The following HSD17B11 variants were observed in gnomAD, a reference collection of about 807,000 sequenced individuals.
HSD17B11 encodes the protein estradiol 17-beta-dehydrogenase 11.
A neutral mutation model predicts 27.8 loss-of-function variants in HSD17B11; 22 were observed. The observed-to-expected ratio is 0.79, with a 90% CI of 0.56 to 1.13. HSD17B11 has a LOEUF of 1.13. Ranked by LOEUF, HSD17B11 falls within the 50% of genes most tolerant of loss-of-function variation. The probability of loss-of-function intolerance (pLI) is 0.00; values close to 1 mark genes in which losing one functional copy is unlikely to be tolerated. For missense variants in HSD17B11, 314 were observed against 351.1 expected (o/e 0.89, Z 0.84); for synonymous variants, 117 against 132.8 (o/e 0.88, Z 0.82).
intron 4 of HSD17B11, among the ~76,000 whole-genome samples, chr4:87,370,995 G>A (rs10034537): frequency 0.14 from 18,435 of 131,590 alleles, 2,079 homozygotes; most frequent in East Asian, 0.3. Context: ...CTCGTGATCC[G>A]CCCGCCTCGG....
intron 1 of HSD17B11, among the ~76,000 whole-genome samples, chr4:87,389,941 G>A (rs1227584112): frequency 6.6e-6 from 1 of 152,024 alleles, no homozygotes; most frequent in Non-Finnish European, 1.5e-5. Flanking sequence ...CAGTATCACA[G>A]GTCAAACGTG....
chr4:87,371,337 G>A (rs1234664031), intron 4 of HSD17B11, among the ~76,000 whole-genome samples: 1 of 152,082 alleles, frequency 6.6e-6, no homozygotes, highest in Admixed American at 6.6e-5. Context: ...CACAAATATA[G>A]TGTGATTCCA....
At position 87,391,122 on chromosome 4, in the gene HSD17B11, T is replaced by C. The variant is rs1375537308; in HGVS notation, c.-52A>G. On this transcript the variant is annotated 5_prime_UTR_variant, in exon 1 of 7. Coordinates refer to ENST00000358290, the MANE Select transcript of HSD17B11 (RefSeq NM_016245.5). ...GTGTTTTTTTTTTTTTTTACCACTC[T>C]AAACTGCTTTTAGAGGGTAGCTCGA... 9.5e-6 allele frequency: 13 copies of C among 1,368,074 alleles called. No individual in the cohort carries two copies. The highest frequency in any genetic ancestry group is 2.2e-5 in the Admixed American group (1 of 45,922). 84.7% of individuals were successfully genotyped at this position (1,368,074 alleles called of 1,614,324 possible).
intron 4 of HSD17B11, among the ~76,000 whole-genome samples, chr4:87,366,565 C>T (rs1459126830): frequency 6.6e-6 from 1 of 152,086 alleles, no homozygotes; most frequent in East Asian, 1.9e-4. Context: ...TTATAAGAAA[C>T]TCCTTTATTT....
intron 5 of HSD17B11, among the ~76,000 whole-genome samples, chr4:87,353,743 G>A (rs1362541790): frequency 6.6e-6 from 1 of 152,128 alleles, no homozygotes; most frequent in Admixed American, 6.6e-5. Flanking sequence ...GGGGGGCAAG[G>A]TTAAAAAATT....
chr4:87,372,682 CA>C, intron 4 of HSD17B11, 26 bp downstream of exon 4: 5 of 1,358,730 alleles, frequency 3.7e-6, no homozygotes, highest in Non-Finnish European at 5.3e-6. Context: ...GCATAAGAAC[CA>C]ATGAAGGAAA....
chr4:87,372,242 C>CAAAAAAAAAAAAA (rs10618602), intron 4 of HSD17B11, among the ~76,000 whole-genome samples: 1 of 99,454 alleles, frequency 1.0e-5, no homozygotes, highest in Non-Finnish European at 2.1e-5. Flanking sequence ...GACTCCGTCT[C>CAAAAAAAAAAAAA]AAAAAAAAAA....
At chr4:87,338,327 G>A (rs949029730) in intron 6 of HSD17B11, among the ~76,000 whole-genome samples, 1 of 152,048 alleles carries the variant, frequency 6.6e-6, no homozygotes, top group African/African-American at 2.4e-5. Flanking sequence ...ACATTCCAGT[G>A]GGTCTGGGAG....
At chr4:87,356,981 G>A (rs536007764) in intron 5 of HSD17B11, among the ~76,000 whole-genome samples, 2 of 152,236 alleles carry the variant, frequency 1.3e-5, no homozygotes, top group South Asian at 4.1e-4. Flanking sequence ...TAGTTCCCAA[G>A]CACACCTGGT....
At chr4:87,381,490 G>A (rs1460401768) in intron 2 of HSD17B11, among the ~76,000 whole-genome samples, 1 of 152,120 alleles carries the variant, frequency 6.6e-6, no homozygotes, top group Non-Finnish European at 1.5e-5. Flanking sequence ...TGGGAGCGTG[G>A]CTCATGCCTA....
At chr4:87,389,618 GCAGA>G (rs1720405774) in intron 1 of HSD17B11, among the ~76,000 whole-genome samples, 1 of 152,186 alleles carries the variant, frequency 6.6e-6, no homozygotes, top group African/African-American at 2.4e-5. Context: ...TGTCTAAGCA[GCAGA>G]CAGTCATTAT....
Position 87,391,121 on chromosome 4 carries a change from C to G in HSD17B11, c.-51G>C. ...TGTGTTTTTTTTTTTTTTTACCACT[C>G]TAAACTGCTTTTAGAGGGTAGCTCG... On this transcript the variant is annotated 5_prime_UTR_variant, in exon 1 of 7. Coordinates refer to ENST00000358290, the MANE Select transcript of HSD17B11 (RefSeq NM_016245.5). 1 of 1,374,526 alleles carries G rather than the reference C, an allele frequency of 7.3e-7. No homozygotes were observed. Among genetic ancestry groups the G allele is most frequent in the Non-Finnish European group, 1.0e-6 (1 of 996,996 alleles). 85.1% of individuals were successfully genotyped at this position (1,374,526 alleles called of 1,614,324 possible). A position where few individuals can be genotyped will look rare whatever the true frequency, so the allele number is the denominator to read the frequency against.
chr4:87,362,536 TATAATAAA>T (rs1735537246), intron 4 of HSD17B11, among the ~76,000 whole-genome samples: 1 of 151,974 alleles, frequency 6.6e-6, no homozygotes, highest in Admixed American at 6.6e-5. Context: ...AAAAATAAAA[TATAATAAA>T]ATAATAAATA....
At chr4:87,364,827 G>A (rs1735587335) in intron 4 of HSD17B11, among the ~76,000 whole-genome samples, 1 of 152,214 alleles carries the variant, frequency 6.6e-6, no homozygotes, top group Non-Finnish European at 1.5e-5. Flanking sequence ...TGCTGTCCCA[G>A]CTCTGTTCCT....
At chr4:87,373,057 C>T (rs1323902625) in intron 3 of HSD17B11, among the ~76,000 whole-genome samples, 1 of 152,070 alleles carries the variant, frequency 6.6e-6, no homozygotes, top group Non-Finnish European at 1.5e-5. Flanking sequence ...TTGCTAAATT[C>T]AGCCAGGTGT....
intron 5 of HSD17B11, among the ~76,000 whole-genome samples, chr4:87,353,841 G>A (rs188913974): frequency 2.9e-4 from 44 of 152,234 alleles, no homozygotes; most frequent in African/African-American, 1.0e-3. Flanking sequence ...TGTTATTTTA[G>A]TATCCACATA....
At chr4:87,354,368 C>G (rs1041824014) in intron 5 of HSD17B11, among the ~76,000 whole-genome samples, 1 of 151,932 alleles carries the variant, frequency 6.6e-6, no homozygotes, top group Non-Finnish European at 1.5e-5. Flanking sequence ...GCCTGTAATC[C>G]CAGCACTTTG....
At chr4:87,358,746 A>G (rs1260870707) in intron 4 of HSD17B11, among the ~76,000 whole-genome samples, 1 of 152,170 alleles carries the variant, frequency 6.6e-6, no homozygotes, top group Non-Finnish European at 1.5e-5. Context: ...CTGGCCAGTT[A>G]ATCTATGCTT....
chr4:87,382,892 TGTA>T (rs1720211157), intron 1 of HSD17B11, among the ~76,000 whole-genome samples: 1 of 152,220 alleles, frequency 6.6e-6, no homozygotes, highest in Non-Finnish European at 1.5e-5. Context: ...AAGTTCTCTG[TGTA>T]GTAGAAAGAA....
Sources: allele counts gnomAD v4.1 joint callset (sites outside exome capture counted in the v4.1 genomes callset), GRCh38; gene constraint gnomAD v4.1.1; transcripts MANE v1.5; gene names NCBI Gene and HGNC (gene_info 2026-07-23, HGNC 2026-07-21).